EIF2AK4: variants seen among roughly 807,000 people sequenced by gnomAD.
EIF2AK4 encodes the protein eukaryotic translation initiation factor 2 alpha kinase 4, also known as eIF-2-alpha kinase GCN2.
Under a neutral mutation model 211.1 loss-of-function variants are expected in EIF2AK4, and 139 were observed. The ratio of observed to expected loss-of-function variants is 0.66; its 90% CI spans 0.57 to 0.76. The LOEUF is 0.76. EIF2AK4 is among the 30% of genes least tolerant of loss of function. The pLI, the probability that EIF2AK4 is intolerant of heterozygous loss-of-function variation, is 0.00. For missense variants in EIF2AK4, 1,664 were observed against 2,043.8 expected (o/e 0.81, Z 3.58); for synonymous variants, 710 against 751.3 (o/e 0.94, Z 0.90).
In EIF2AK4 at chr15:40,009,818, T is replaced by C. The variant is rs963509850; in HGVS notation, c.3693+88T>C. 16 of 983,446 alleles carry C rather than the reference T, an allele frequency of 1.6e-5. No homozygotes were observed. In the African/African-American group the frequency reaches 2.3e-4, roughly 14 times the overall value. 60.9% of individuals were successfully genotyped at this position (983,446 alleles called of 1,614,324 possible). ...TAGTTCCTGATGATTTTCTTACCCA[T>C]GCAGCCATGAAACTGAATTGGGAGC... On this transcript the variant is annotated intron_variant, in intron 26 of 38. Coordinates refer to ENST00000263791, the MANE Select transcript of EIF2AK4 (RefSeq NM_001013703.4).
intron 12 of EIF2AK4, 48 bp downstream of exon 12, chr15:39,976,892 CCTTT>C (rs745908021): frequency 2.5e-5 from 36 of 1,413,990 alleles, no homozygotes; most frequent in Admixed American, 1.5e-4. Context: ...CCCCTAGTTT[CCTTT>C]CTTTATTTTT....
chr15:39,951,584 G>C (rs1189685528), intron 4 of EIF2AK4: 2 of 320,938 alleles, frequency 6.2e-6, no homozygotes, highest in Non-Finnish European at 1.2e-5. Flanking sequence ...TGCTGGAGGG[G>C]AGTTTGCAAA....
chr15:40,003,481 T>C (rs1298080606), intron 23 of EIF2AK4, among the ~76,000 whole-genome samples, 167 bp downstream of exon 23: 3 of 152,124 alleles, frequency 2.0e-5, no homozygotes, highest in African/African-American at 7.2e-5. Context: ...GTGGAGGAAA[T>C]GTTTGGTCCT....
intron 32 of EIF2AK4, among the ~76,000 whole-genome samples, chr15:40,024,491 C>T (rs1470707828): frequency 6.7e-6 from 1 of 148,886 alleles, no homozygotes; most frequent in Admixed American, 6.8e-5. Context: ...TTGCTGCAAC[C>T]TCCACCTCCC....
At chr15:39,965,628 T>C (rs2034533394) in intron 7 of EIF2AK4, 58 bp from the exon 8 acceptor site, 1 of 1,590,906 alleles carries the variant, frequency 6.3e-7, no homozygotes, top group African/African-American at 1.3e-5. Context: ...CCTCCCTTCC[T>C]TCCCCCAAGA....
In EIF2AK4 at chr15:39,943,440, G is replaced by C; in HGVS notation, c.315G>C (p.Leu105Phe). The C allele has an allele frequency of 6.8e-7, 1 of 1,460,100 alleles. No homozygotes were observed. The highest frequency in any genetic ancestry group is 1.3e-5 in the South Asian group (1 of 79,320). 90.4% of individuals were successfully genotyped at this position (1,460,100 alleles called of 1,614,324 possible). ...GTCTATCAAATGAAAGTGTCAATTT[G>C]TTAAAATCTCGCCTAGAAGAACTGG... The part of the protein sequence containing the change: ...AKGLSNESVN[L>F]LKSRLEELAK... The change falls in exon 3 of 39, where the codon TTG (leucine) becomes TTC (phenylalanine). Residue 105 changes from leucine to phenylalanine, a missense_variant. By Grantham distance (22) the Leu-to-Phe change is conservative. Coordinates refer to ENST00000263791, the MANE Select transcript of EIF2AK4 (RefSeq NM_001013703.4).
In EIF2AK4 at chr15:40,035,262, G is replaced by T. The variant is rs1196950426; in HGVS notation, c.*178G>T. On this transcript the variant is annotated 3_prime_UTR_variant, in exon 39 of 39. Transcript: ENST00000263791. ...AGGCAGGAAGACTGCTTGAAACCAG[G>T]AGTTTGAGACCAGCCTGAGCAACAA... 4.8e-6 allele frequency: 2 copies of T among 412,524 alleles called. No individual in the cohort carries two copies. Among genetic ancestry groups the T allele is most frequent in the Non-Finnish European group, 8.5e-6 (2 of 236,550 alleles). 25.6% of individuals were successfully genotyped at this position (412,524 alleles called of 1,614,324 possible).
intron 28 of EIF2AK4, 85 bp downstream of exon 28, chr15:40,016,757 C>T (rs1716613096): frequency 6.9e-7 from 1 of 1,440,776 alleles, no homozygotes; most frequent in Admixed American, 2.2e-5. Flanking sequence ...TTCACTAATG[C>T]TAGTTAGTGT....
chr15:40,027,233 T>G (rs2035476693), intron 33 of EIF2AK4, among the ~76,000 whole-genome samples: 1 of 152,242 alleles, frequency 6.6e-6, no homozygotes, highest in South Asian at 2.1e-4. Context: ...ATTTTAACAC[T>G]TTAGTAGAAG....
At chr15:40,001,512 C>T (rs1270691197) in intron 21 of EIF2AK4, among the ~76,000 whole-genome samples, 1 of 151,930 alleles carries the variant, frequency 6.6e-6, no homozygotes, top group Non-Finnish European at 1.5e-5. Flanking sequence ...CACCTGTAAT[C>T]CCAGCTACCC....
At position 40,029,434 on chromosome 15, in the gene EIF2AK4, A is replaced by T; in HGVS notation, c.4531A>T (p.Asn1511Tyr). The T allele has an allele frequency of 1.2e-6, 2 of 1,613,236 alleles. No homozygotes were observed. Among genetic ancestry groups the T allele is most frequent in the Non-Finnish European group, 1.7e-6 (2 of 1,179,840 alleles). The change falls in exon 34 of 39, where the codon AAT becomes TAT. Residue 1511 changes from asparagine to tyrosine, a missense_variant. Around this residue, in one of 7 missense-constraint regions of EIF2AK4, gnomAD observed 138 missense variants for 165.1 expected, o/e 0.84. Coordinates refer to ENST00000263791, the MANE Select transcript of EIF2AK4 (RefSeq NM_001013703.4). ...REASDNLAVQ[N>Y]LKGSFSNASG... ...AGCTTCCGATAATCTTGCAGTGCAA[A>T]ATCTGAAGGGGTCATTTTCTAATGC... is the stretch of plus-strand genomic sequence containing the variant.
At chr15:40,007,875 C>CTGT in intron 24 of EIF2AK4, 152 bp from the exon 25 acceptor site, 1 of 546,562 alleles carries the variant, frequency 1.8e-6, no homozygotes, top group Non-Finnish European at 3.0e-6. Flanking sequence ...CAAGGCAAGG[C>CTGT]TGTTCCAGGT....
At chr15:40,017,551 A>ATATATATATATATATATATATATG (rs71132134) in intron 29 of EIF2AK4, among the ~76,000 whole-genome samples, 2 of 87,088 alleles carry the variant, frequency 2.3e-5, no homozygotes, top group Non-Finnish European at 4.6e-5. Flanking sequence ...ATATATATAT[A>ATATATATATATATATATATATATG]TATGTATTTT....
chr15:40,017,129 G>T lies in EIF2AK4; in HGVS notation c.3952G>T (p.Val1318Phe), dbSNP rs1170010148. The T allele has an allele frequency of 1.2e-6, 2 of 1,613,406 alleles. No individual in the cohort carries two copies. Among genetic ancestry groups the T allele is most frequent in the African/African-American group, 2.7e-5 (2 of 74,896 alleles). Residue 1318 changes from valine to phenylalanine, a missense_variant, in exon 29 of 39, where the codon GTT becomes TTT. Transcript: ENST00000263791. ...ATAGGTCTTGATCAATTTGGGCTTG[G>T]TTTACAAGGTGCAGCAGCACAATGG... ...KLQVLINLGL[V>F]YKVQQHNGII...
rs149623123 is a variant in EIF2AK4, at chr15:39,964,744, G to A, written c.860-942G>A. Among the ~76,000 whole-genome samples, 333 of 152,132 alleles carry A rather than the reference G, an allele frequency of 2.2e-3. 2 individuals are homozygous for A. Among genetic ancestry groups the A allele is most frequent in the Non-Finnish European group, 4.2e-3 (288 of 68,006 alleles). Reference sequence around the variant, plus strand: ...AGAGATTTTTATAAGAAAATTTTTGGTGTTACAGAAATTTAGCTCTCCCTG... The same window carrying A: ...AGAGATTTTTATAAGAAAATTTTTGATGTTACAGAAATTTAGCTCTCCCTG... On this transcript the variant is annotated intron_variant, in intron 7 of 38. Transcript: ENST00000263791.
Position 39,953,964 on chromosome 15 carries a change from A to G in EIF2AK4, c.574A>G (p.Arg192Gly), listed in dbSNP as rs2034355759. Residue 192 changes from arginine (R) to glycine (G), a missense_variant, in exon 5 of 39, where the codon AGG (arginine) becomes GGG (glycine). Physicochemically the swap from Arg to Gly is moderately radical, Grantham distance 125. Transcript: ENST00000263791. ...RKEEIKEEKK[R>G]KEMAKQERLE... Reference sequence around the variant, plus strand: ...AGAAGAGATAAAAGAAGAGAAAAAAAGGAAAGAAATGGCTAAGCAGGTACC... The same window carrying G: ...AGAAGAGATAAAAGAAGAGAAAAAAGGGAAAGAAATGGCTAAGCAGGTACC... 6.2e-7 allele frequency: 1 copy of G among 1,602,618 alleles called. No homozygotes were observed. Among genetic ancestry groups the G allele is most frequent in the Non-Finnish European group, 8.5e-7 (1 of 1,176,160 alleles).
In EIF2AK4 at chr15:40,016,495, T is replaced by C. The variant is rs1051466017; in HGVS notation, c.3760-7T>C. On this transcript the variant is annotated splice_region_variant and splice_polypyrimidine_tract_variant and intron_variant, in intron 27 of 38. Coordinates refer to ENST00000263791, the MANE Select transcript of EIF2AK4 (RefSeq NM_001013703.4). Reference sequence around the variant, plus strand: ...TGGGCAGCTGACTGTGCCCCTTTGCTTTCCAGCTGTGTCGACTCTACAAGT... The same window carrying C: ...TGGGCAGCTGACTGTGCCCCTTTGCCTTCCAGCTGTGTCGACTCTACAAGT... The C allele has an allele frequency of 1.9e-6, 3 of 1,613,934 alleles. No individual in the cohort carries two copies. The highest frequency in any genetic ancestry group is 2.5e-6 in the Non-Finnish European group (3 of 1,179,992).
At chr15:39,936,560 C>T (rs1388866175) in intron 1 of EIF2AK4, among the ~76,000 whole-genome samples, 1 of 152,064 alleles carries the variant, frequency 6.6e-6, no homozygotes, top group East Asian at 1.9e-4. Flanking sequence ...TTACAGGTAC[C>T]CGCCTCCACA....
chr15:40,021,394 G>A (rs773732039), intron 31 of EIF2AK4: 8 of 157,944 alleles, frequency 5.1e-5, no homozygotes, highest in Non-Finnish European at 9.7e-5. Flanking sequence ...GCAATGAAGC[G>A]CCTCCTTCCT....
Sources: allele counts gnomAD v4.1 joint callset (sites outside exome capture counted in the v4.1 genomes callset), GRCh38; gene constraint gnomAD v4.1.1; regional missense constraint gnomAD v4.1.1; transcripts MANE v1.5; gene names NCBI Gene and HGNC (gene_info 2026-07-23, HGNC 2026-07-21).